The following FAIM2 variants were observed in gnomAD, a reference collection of about 807,000 sequenced individuals.
The protein encoded by FAIM2 is Fas apoptotic inhibitory molecule 2, also known as protein lifeguard 2.
A neutral mutation model predicts 47.4 loss-of-function variants in FAIM2; 27 were observed. That is an observed-to-expected ratio of 0.57 (90% confidence interval 0.42 to 0.78). The LOEUF (loss-of-function observed/expected upper bound fraction) is 0.78. Among genes scored for constraint, FAIM2 ranks in the 30% least tolerant of loss-of-function variants. The pLI is 0.00. For missense variants in FAIM2, 311 were observed against 389.4 expected (o/e 0.80, Z 1.69); for synonymous variants, 156 against 159.3 (o/e 0.98, Z 0.16).
intron 10 of FAIM2, among the ~76,000 whole-genome samples, chr12:49,887,711 C>CAGATGA (rs1946871681): frequency 6.6e-6 from 1 of 152,092 alleles, no homozygotes; most frequent in African/African-American, 2.4e-5. Context: ...GGGCTCAGGG[C>CAGATGA]AGATGAAGAT....
chr12:49,890,762 T>G lies in FAIM2; in HGVS notation c.486-40A>C, dbSNP rs992527674. 3 of 1,586,526 alleles carry G rather than the reference T, an allele frequency of 1.9e-6. No homozygotes were observed. In the African/African-American group the frequency reaches 4.0e-5, roughly 21 times the overall value. ...ACAGAGTTCAGGGGATCGTAGGGGG[T>G]GGGGGCAGTGGACCCAGGCTGTGAC... On this transcript the variant is annotated intron_variant, in intron 6 of 11. Transcript: ENST00000320634.
At chr12:49,903,478 A>G (rs1446833580) in intron 1 of FAIM2, among the ~76,000 whole-genome samples, 1 of 152,164 alleles carries the variant, frequency 6.6e-6, no homozygotes, top group Admixed American at 6.5e-5. Flanking sequence ...GTCACACCAG[A>G]CGCCCGGGCT....
rs116997215 is a variant in FAIM2 at position 49,886,443 on chromosome 12, T to C, written c.801+943A>G. On this transcript the variant is annotated intron_variant, in intron 11 of 11. Transcript: ENST00000320634. ...GACCTTGGGCATGTTATTTGATATC[T>C]CTGAGCTTCAGTTTCCCCATCTTAA... 1.2e-3 allele frequency among the ~76,000 whole-genome samples: 184 copies of C among 152,320 alleles called. 1 individual carries two copies. In the East Asian group the frequency reaches 0.033, roughly 27 times the overall value.
chr12:49,870,094 C>G lies in FAIM2; in HGVS notation c.*410G>C, dbSNP rs1946691202. ...AGGAGGACACAGACTGGATGCAGGA[C>G]AGTGTGCCCTAAGGCCACATGATTG... is the stretch of plus-strand genomic sequence containing the variant. On this transcript the variant is annotated 3_prime_UTR_variant, in exon 12 of 12. Coordinates refer to ENST00000320634, the MANE Select transcript of FAIM2 (RefSeq NM_012306.4). 5.9e-6 allele frequency: 1 copy of G among 169,362 alleles called. No individual in the cohort carries two copies. The highest frequency in any genetic ancestry group is 5.9e-5 in the Admixed American group (1 of 16,860). 10.5% of individuals were successfully genotyped at this position (169,362 alleles called of 1,614,324 possible). A position where few individuals can be genotyped will look rare whatever the true frequency, so the allele number is the denominator to read the frequency against.
At chr12:49,880,598 ATG>A (rs1256033944) in intron 11 of FAIM2, among the ~76,000 whole-genome samples, 140 of 137,306 alleles carry the variant, frequency 1.0e-3, no homozygotes, top group Non-Finnish European at 6.3e-4. Flanking sequence ...GTGCATGTGT[ATG>A]TGTGTGCATG....
intron 10 of FAIM2, among the ~76,000 whole-genome samples, chr12:49,888,704 T>C (rs1400806240): frequency 4.6e-5 from 7 of 152,152 alleles, no homozygotes; most frequent in Admixed American, 4.6e-4. Flanking sequence ...ATTCTGCCTC[T>C]TTGGACTTGG....
chr12:49,871,701 T>C (rs996629758), intron 11 of FAIM2, among the ~76,000 whole-genome samples: 2 of 151,546 alleles, frequency 1.3e-5, no homozygotes, highest in African/African-American at 2.4e-5. Flanking sequence ...AGTTTCGCTC[T>C]TGTTGCCCAG....
chr12:49,885,572 GCCC>G (rs10553790), intron 11 of FAIM2, among the ~76,000 whole-genome samples: 4,913 of 152,266 alleles, frequency 0.032, 235 homozygotes, highest in African/African-American at 0.11. Context: ...CTCCCAGTTT[GCCC>G]AGGATTTAGG....
chr12:49,887,044 C>T (rs1449091162), intron 11 of FAIM2, among the ~76,000 whole-genome samples: 1 of 152,124 alleles, frequency 6.6e-6, no homozygotes, highest in Non-Finnish European at 1.5e-5. Context: ...TAACTACTAA[C>T]TTGGTCCACA....
intron 11 of FAIM2, among the ~76,000 whole-genome samples, chr12:49,885,929 C>T (rs1592789905): frequency 6.6e-6 from 1 of 152,134 alleles, no homozygotes; most frequent in Non-Finnish European, 1.5e-5. Flanking sequence ...GTGAATGAAC[C>T]TGCCACACCC....
At chr12:49,894,598 G>A (rs2137102978) in intron 5 of FAIM2, among the ~76,000 whole-genome samples, 1 of 152,308 alleles carries the variant, frequency 6.6e-6, no homozygotes, top group South Asian at 2.1e-4. Flanking sequence ...AGGAACCACA[G>A]TCTGTTTACA....
intron 11 of FAIM2, among the ~76,000 whole-genome samples, chr12:49,880,367 CATGTGT>C (rs1360599798): frequency 2.5e-5 from 3 of 119,374 alleles, no homozygotes; most frequent in Non-Finnish European, 5.8e-5. Context: ...TGTATATGTG[CATGTGT>C]ATGTGTGTCT....
intron 5 of FAIM2, among the ~76,000 whole-genome samples, chr12:49,894,477 G>A (rs756751803): frequency 1.5e-4 from 23 of 152,162 alleles, no homozygotes; most frequent in Non-Finnish European, 1.9e-4. Flanking sequence ...GGCTGTGGGT[G>A]GGGGAGGGGG....
At position 49,897,983 on chromosome 12, in the gene FAIM2, T is replaced by C. The variant is rs907370251; in HGVS notation, c.315+4A>G. 3.7e-6 allele frequency: 6 copies of C among 1,611,256 alleles called. No individual in the cohort carries two copies. The highest frequency in any genetic ancestry group is 5.1e-6 in the Non-Finnish European group (6 of 1,177,656). ...AGTCCCAGAGGGCTACAGAGGGGCA[T>C]TACCTTTCTGACAAAGACTCGACGA... On this transcript the variant is annotated splice_donor_region_variant and intron_variant, in intron 3 of 11. Transcript: ENST00000320634.
chr12:49,903,198 C>A (rs967228267), intron 1 of FAIM2, among the ~76,000 whole-genome samples: 1 of 152,264 alleles, frequency 6.6e-6, no homozygotes, highest in African/African-American at 2.4e-5. Context: ...TCATCCGGAC[C>A]CATCCATGCC....
At position 49,878,720 on chromosome 12, in the gene FAIM2, G is replaced by GTA. The variant is rs1412723688; in HGVS notation, c.802-8068_802-8067insTA. 8.7e-4 allele frequency among the ~76,000 whole-genome samples: 112 copies of GTA among 129,294 alleles called. 10 individuals are homozygous for GTA. Among genetic ancestry groups the GTA allele is most frequent in the African/African-American group, 3.3e-3 (103 of 31,460 alleles). 84.8% of individuals were successfully genotyped at this position (129,294 alleles called of 152,430 possible). On this transcript the variant is annotated intron_variant, in intron 11 of 11. Coordinates refer to ENST00000320634, the MANE Select transcript of FAIM2 (RefSeq NM_012306.4). ...TGTGCATGTGTGCATATATGCGTGT[G>GTA]TGTCTGTGTGCATGTGAGTGTATAT...
rs979544301 is a variant in FAIM2, at chr12:49,874,227, G to A, written c.802-3574C>T. On this transcript the variant is annotated intron_variant, in intron 11 of 11. Coordinates refer to ENST00000320634, the MANE Select transcript of FAIM2 (RefSeq NM_012306.4). This position sits in a 1 kb window ranked among gnomAD's most constrained non-coding sequence, Gnocchi z 4.2. Reference sequence around the variant, plus strand: ...CATGGGATGGGGCAGGAGGCCCCCTGGGACAAGGACGCTATTAACTTACAT... The same window carrying A: ...CATGGGATGGGGCAGGAGGCCCCCTAGGACAAGGACGCTATTAACTTACAT... Among the ~76,000 whole-genome samples, 7 of 152,178 alleles carry A rather than the reference G, an allele frequency of 4.6e-5. No individual in the cohort carries two copies. The highest frequency in any genetic ancestry group is 1.7e-4 in the African/African-American group (7 of 41,442).
At chr12:49,881,526 G>T (rs1193766249) in intron 11 of FAIM2, among the ~76,000 whole-genome samples, 1 of 152,098 alleles carries the variant, frequency 6.6e-6, no homozygotes, top group Non-Finnish European at 1.5e-5. Flanking sequence ...GGGCCCTGGA[G>T]TCTCAGCTGC....
intron 11 of FAIM2, among the ~76,000 whole-genome samples, chr12:49,877,460 A>C (rs1216681322): frequency 5.6e-5 from 1 of 17,734 alleles, no homozygotes; most frequent in Non-Finnish European, 9.1e-5. Context: ...CTTCAGCCTC[A>C]TGTAACGCAT....
Sources: gnomAD v4.1 joint callset for allele counts (sites outside exome capture counted in the v4.1 genomes callset) on GRCh38, gnomAD v4.1.1 for gene constraint, Gnocchi (gnomAD v3.1) non-coding constraint, MANE v1.5 for transcripts, NCBI Gene and HGNC (gene_info 2026-07-23, HGNC 2026-07-21) for gene names.